PCDH7: variants seen among roughly 807,000 people sequenced by gnomAD.
The protein encoded by PCDH7 is protocadherin-7.
In PCDH7, 17 loss-of-function variants were observed where a neutral mutation model predicts 58.9. The ratio of observed to expected loss-of-function variants is 0.29; its 90% CI spans 0.20 to 0.43. The LOEUF is 0.43. PCDH7 is among the 20% of genes least tolerant of loss of function. The pLI, the probability that PCDH7 is intolerant of heterozygous loss-of-function variation, is 1.00. For missense variants in PCDH7, 1,274 were observed against 1,441.0 expected (o/e 0.88, Z 1.88); for synonymous variants, 664 against 616.4 (o/e 1.08, Z -1.14).
intron 3 of PCDH7, among the ~76,000 whole-genome samples, chr4:30,954,032 G>A (rs749441309): frequency 3.5e-4 from 53 of 152,058 alleles, no homozygotes; most frequent in Non-Finnish European, 4.9e-4. Context: ...TCAGATCTGC[G>A]CTTTCCCTAA....
At chr4:30,914,538 T>A (rs965293847) in intron 1 of PCDH7, among the ~76,000 whole-genome samples, 1 of 152,248 alleles carries the variant, frequency 6.6e-6, no homozygotes, top group African/African-American at 2.4e-5. Flanking sequence ...AATTTGCATT[T>A]AGGAAAATAA....
intron 3 of PCDH7, among the ~76,000 whole-genome samples, chr4:31,103,705 A>T (rs1169525183): frequency 6.6e-6 from 1 of 152,158 alleles, no homozygotes; most frequent in East Asian, 1.9e-4. Context: ...TCCCTGGATT[A>T]CTAGAGTATC....
chr4:30,834,811 T>C (rs886683540), intron 1 of PCDH7, among the ~76,000 whole-genome samples: 3 of 151,964 alleles, frequency 2.0e-5, no homozygotes, highest in African/African-American at 7.3e-5. Flanking sequence ...ACAGCAAAAT[T>C]TTCTGGAGAG....
intron 1 of PCDH7, among the ~76,000 whole-genome samples, chr4:30,890,076 C>T (rs1738414928): frequency 6.6e-6 from 1 of 152,042 alleles, no homozygotes; most frequent in African/African-American, 2.4e-5. Context: ...TAAAGTATTG[C>T]TAGAGGTTTC....
chr4:31,031,695 T>C lies in PCDH7; in HGVS notation c.*7+81480T>C, dbSNP rs753367324. 3.9e-5 allele frequency among the ~76,000 whole-genome samples: 6 copies of C among 152,206 alleles called. No individual in the cohort carries two copies. The East Asian group carries it at 7.7e-4, about 20-fold the overall frequency. On this transcript the variant is annotated intron_variant, in intron 3 of 3. Coordinates refer to the PCDH7 transcript ENST00000509759. ...AGTGTTATTTCAAATATTCAATAGA[T>C]TTTGTTCTTTTTAAAAATTTCTTTC... is the stretch of plus-strand genomic sequence containing the variant.
At chr4:31,102,191 CT>C (rs74712205) in intron 3 of PCDH7, among the ~76,000 whole-genome samples, 425 of 143,766 alleles carry the variant, frequency 3.0e-3, no homozygotes, top group Middle Eastern at 3.6e-3. Context: ...TATTATGATC[CT>C]TTTTTTTTTT....
At chr4:30,902,017 C>A (rs1740284252) in intron 1 of PCDH7, among the ~76,000 whole-genome samples, 1 of 152,146 alleles carries the variant, frequency 6.6e-6, no homozygotes, top group South Asian at 2.1e-4. Flanking sequence ...CAAGTTTCCT[C>A]CACGGGCATT....
chr4:31,007,195 G>A (rs1328343180), intron 3 of PCDH7, among the ~76,000 whole-genome samples: 1 of 152,110 alleles, frequency 6.6e-6, no homozygotes, highest in Non-Finnish European at 1.5e-5. Context: ...ATCTCTCTCT[G>A]CCTCAATTTC....
chr4:30,733,794 G>C (rs1422900718), downstream of PCDH7, among the ~76,000 whole-genome samples: 1 of 152,106 alleles, frequency 6.6e-6, no homozygotes, highest in Admixed American at 6.5e-5. Flanking sequence ...AAAATATTCA[G>C]TCATAATTCA....
rs901165973 is a variant in PCDH7 at position 31,004,850 on chromosome 4, G to A, written c.*7+54635G>A. ...GAAGCACAGAGTGATTAATTAATAT[G>A]CCCTAGATCACACAGCTAAATAGTG... On this transcript the variant is annotated intron_variant, in intron 3 of 3. Transcript: ENST00000509759. 3.3e-5 allele frequency among the ~76,000 whole-genome samples: 5 copies of A among 151,934 alleles called. 1 individual carries two copies. Among genetic ancestry groups the A allele is most frequent in the Admixed American group, 3.3e-4 (5 of 15,250 alleles).
intron 3 of PCDH7, among the ~76,000 whole-genome samples, chr4:31,099,567 T>G (rs547836181): frequency 6.6e-6 from 1 of 152,304 alleles, no homozygotes; most frequent in Non-Finnish European, 1.5e-5. Context: ...ATATGGCATA[T>G]GTAGTTTATT....
chr4:30,815,535 G>C (rs1727562728), intron 1 of PCDH7, among the ~76,000 whole-genome samples: 1 of 152,172 alleles, frequency 6.6e-6, no homozygotes, highest in East Asian at 1.9e-4. Context: ...TCTTCCCTTG[G>C]AGCGGGCTGT....
chr4:31,048,578 T>A (rs1756476612), intron 3 of PCDH7, among the ~76,000 whole-genome samples: 1 of 152,112 alleles, frequency 6.6e-6, no homozygotes, highest in African/African-American at 2.4e-5. Flanking sequence ...GACCTGTTAA[T>A]TCCAACTCAC....
At chr4:30,749,263 A>G (rs1336278697) in intron 1 of PCDH7, among the ~76,000 whole-genome samples, 2 of 152,324 alleles carry the variant, frequency 1.3e-5, no homozygotes, top group Non-Finnish European at 2.9e-5. Context: ...TGGAAATATT[A>G]CCTGTTACTG....
At chr4:31,096,142 C>G (rs758036289) in intron 3 of PCDH7, among the ~76,000 whole-genome samples, 1 of 152,094 alleles carries the variant, frequency 6.6e-6, no homozygotes, top group Admixed American at 6.6e-5. Flanking sequence ...AAGATGCCCC[C>G]TAGGCCCCAA....
rs1010999983 is a variant in PCDH7, at chr4:30,987,576, A to G, written c.*7+37361A>G. ...TTCTCACCTGTATTCTCTGCTTCTC[A>G]GGTGGCTGAGGCAGGAGGAACGCTT... On this transcript the variant is annotated intron_variant, in intron 3 of 3. Transcript: ENST00000509759. 8.5e-5 allele frequency: 13 copies of G among 152,148 alleles called. 1 individual carries two copies. Among genetic ancestry groups the G allele is most frequent in the African/African-American group, 3.1e-4 (13 of 41,440 alleles). The allele number at this position is 152,148 out of a possible 1,614,324, so 9.4% of individuals were successfully genotyped here.
At chr4:31,018,900 T>C (rs1753813210) in intron 3 of PCDH7, among the ~76,000 whole-genome samples, 1 of 152,230 alleles carries the variant, frequency 6.6e-6, no homozygotes, top group African/African-American at 2.4e-5. Context: ...CTAGCCTTGC[T>C]TTTTCACCAC....
chr4:31,000,943 A>G (rs1246636754), intron 3 of PCDH7, among the ~76,000 whole-genome samples: 1 of 152,110 alleles, frequency 6.6e-6, no homozygotes, highest in Non-Finnish European at 1.5e-5. Context: ...ACACACCAAT[A>G]CACCCTGTTA....
At chr4:31,074,391 C>T (rs547675777) in intron 3 of PCDH7, among the ~76,000 whole-genome samples, 4 of 151,856 alleles carry the variant, frequency 2.6e-5, no homozygotes, top group African/African-American at 7.2e-5. Flanking sequence ...CTTTCAAAAA[C>T]GATGTTAATG....
Sources: gnomAD v4.1 joint callset for allele counts (sites outside exome capture counted in the v4.1 genomes callset) on GRCh38, gnomAD v4.1.1 for gene constraint, MANE v1.5 for transcripts, NCBI Gene and HGNC (gene_info 2026-07-23, HGNC 2026-07-21) for gene names.